The following RSU1 variants were observed in gnomAD, a reference collection of about 807,000 sequenced individuals.
RSU1 encodes Ras suppressor protein 1.
RSU1 carries 26 observed loss-of-function variants against 31.1 expected under a neutral mutation model. The ratio of observed to expected loss-of-function variants is 0.84; its 90% CI spans 0.61 to 1.16. The LOEUF is 1.16. Ranked by LOEUF, RSU1 falls within the 50% of genes most tolerant of loss-of-function variation. The pLI is 0.00. For missense variants in RSU1, 320 were observed against 339.1 expected (o/e 0.94, Z 0.44); for synonymous variants, 164 against 136.3 (o/e 1.20, Z -1.41).
chr10:16,632,398 C>T (rs1047889760), intron 8 of RSU1, among the ~76,000 whole-genome samples: 1 of 152,122 alleles, frequency 6.6e-6, no homozygotes, highest in Non-Finnish European at 1.5e-5. Context: ...TTGAAGGTAA[C>T]AGATACCTCC....
At chr10:16,780,747 G>C (rs1837632731) in intron 3 of RSU1, among the ~76,000 whole-genome samples, 1 of 152,206 alleles carries the variant, frequency 6.6e-6, no homozygotes, top group Non-Finnish European at 1.5e-5. Context: ...CTTCTGAACT[G>C]AGAATCTGGT....
At chr10:16,688,868 C>G (rs908894334) in intron 8 of RSU1, among the ~76,000 whole-genome samples, 1 of 147,426 alleles carries the variant, frequency 6.8e-6, no homozygotes, top group Non-Finnish European at 1.5e-5. Context: ...ACTAGCCAGG[C>G]GTTGTGGTGT....
intron 3 of RSU1, among the ~76,000 whole-genome samples, chr10:16,780,581 A>G (rs1837630216): frequency 6.6e-6 from 1 of 152,208 alleles, no homozygotes; most frequent in South Asian, 2.1e-4. Flanking sequence ...GCACAAGATA[A>G]GCAAAACAAG....
chr10:16,732,591 G>A (rs1836536824), intron 7 of RSU1, among the ~76,000 whole-genome samples: 1 of 152,188 alleles, frequency 6.6e-6, no homozygotes, highest in Admixed American at 6.5e-5. Flanking sequence ...AATTTCTGCT[G>A]TCTAAGTCAC....
intron 2 of RSU1, among the ~76,000 whole-genome samples, chr10:16,796,944 A>G (rs936411914): frequency 6.6e-6 from 1 of 152,248 alleles, no homozygotes; most frequent in African/African-American, 2.4e-5. Context: ...ACGAAAGCAG[A>G]GAGAACCCAA....
chr10:16,750,980 C>T (rs1249822770), intron 7 of RSU1, among the ~76,000 whole-genome samples: 1 of 151,942 alleles, frequency 6.6e-6, no homozygotes, highest in African/African-American at 2.4e-5. Context: ...ATCCTCCCAC[C>T]TCAGCCTCCC....
At chr10:16,699,826 T>C (rs556684101) in intron 7 of RSU1, among the ~76,000 whole-genome samples, 23 of 152,378 alleles carry the variant, frequency 1.5e-4, no homozygotes, top group Admixed American at 1.4e-3. Context: ...CTCTGACCGA[T>C]GCTGCTATGA....
intron 7 of RSU1, among the ~76,000 whole-genome samples, chr10:16,709,977 G>A (rs757434372): frequency 1.3e-5 from 2 of 152,182 alleles, no homozygotes; most frequent in Non-Finnish European, 2.9e-5. Context: ...AGGACAATCT[G>A]ACTTCCTCTT....
At chr10:16,782,233 CACGAT>C (rs1314258226) in intron 2 of RSU1, 149 bp from the exon 3 acceptor site, 1 of 627,636 alleles carries the variant, frequency 1.6e-6, no homozygotes, top group African/African-American at 1.8e-5. Context: ...ATTCATGTAA[CACGAT>C]CTATTCAATG....
intron 8 of RSU1, among the ~76,000 whole-genome samples, chr10:16,650,028 T>C (rs1051880640): frequency 5.9e-5 from 9 of 152,324 alleles, no homozygotes; most frequent in African/African-American, 1.9e-4. Flanking sequence ...AACACAGTTG[T>C]AGAGCGCTTT....
intron 8 of RSU1, among the ~76,000 whole-genome samples, chr10:16,613,954 A>G (rs185031216): frequency 2.0e-5 from 3 of 152,280 alleles, no homozygotes; most frequent in Non-Finnish European, 4.4e-5. Flanking sequence ...TGGGAATTGG[A>G]GGTTACAAGG....
chr10:16,603,864 T>C (rs1466850788), intron 8 of RSU1, among the ~76,000 whole-genome samples: 2 of 152,220 alleles, frequency 1.3e-5, no homozygotes, highest in Non-Finnish European at 2.9e-5. Flanking sequence ...CACAAACCTA[T>C]TCATAAATAT....
chr10:16,737,319 C>T lies in RSU1; in HGVS notation c.598+15220G>A, dbSNP rs866250590. Among the ~76,000 whole-genome samples the T allele has an allele frequency of 7.9e-5, 12 of 151,946 alleles. No homozygotes were observed. The South Asian group carries it at 1.2e-3, about 16-fold the overall frequency. ...TCAAAAAGAAATAAAGAACATGTTACATGAGAAACTGCTAAAACCCAATGA... is the reference window on the plus strand; with the variant it reads ...TCAAAAAGAAATAAAGAACATGTTATATGAGAAACTGCTAAAACCCAATGA... On this transcript the variant is annotated intron_variant, in intron 7 of 8. Coordinates refer to ENST00000345264, the MANE Select transcript of RSU1 (RefSeq NM_012425.4).
chr10:16,770,617 G>A (rs1219113059), intron 3 of RSU1, among the ~76,000 whole-genome samples: 3 of 152,254 alleles, frequency 2.0e-5, no homozygotes, highest in Non-Finnish European at 4.4e-5. Flanking sequence ...GGGCATGAAA[G>A]CCAGGGGACC....
chr10:16,662,049 G>A (rs1834899983), intron 8 of RSU1, among the ~76,000 whole-genome samples: 1 of 152,154 alleles, frequency 6.6e-6, no homozygotes, highest in South Asian at 2.1e-4. Flanking sequence ...CAAGAATTGG[G>A]CATTTTTCCC....
At position 16,593,399 on chromosome 10, in the gene RSU1, T is replaced by G; in HGVS notation, c.829A>C (p.Arg277=). ...ISRKPLAAKN[R] is the part of the protein sequence containing the mutation. Reference sequence around the variant, plus strand: ...AGCCGATGCCAATCCCTTCCTTATCTGTTCTTGGCTGCCAGGGGTTTCCGG... The same window carrying G: ...AGCCGATGCCAATCCCTTCCTTATCGGTTCTTGGCTGCCAGGGGTTTCCGG... Residue 277 remains arginine (R), a synonymous_variant, in exon 9 of 9, where the codon AGA becomes CGA. Coordinates refer to ENST00000345264, the MANE Select transcript of RSU1 (RefSeq NM_012425.4). 1 of 1,614,146 alleles carries G rather than the reference T, an allele frequency of 6.2e-7. No homozygotes were observed.
At chr10:16,714,927 G>A (rs1195157192) in intron 7 of RSU1, among the ~76,000 whole-genome samples, 1 of 152,126 alleles carries the variant, frequency 6.6e-6, no homozygotes, top group Non-Finnish European at 1.5e-5. Flanking sequence ...GAAGTTTAGG[G>A]GACTCCTATA....
intron 2 of RSU1, among the ~76,000 whole-genome samples, chr10:16,797,866 T>C (rs1254019040): frequency 9.6e-5 from 14 of 145,918 alleles, no homozygotes; most frequent in African/African-American, 1.8e-4. Context: ...CTTTTTTTTT[T>C]TTTTTTTTTT....
In RSU1 at chr10:16,590,937, A is replaced by C. The variant is rs528429989; in HGVS notation, c.*2457T>G. On this transcript the variant is annotated 3_prime_UTR_variant, in exon 9 of 9. Transcript: ENST00000345264. ...AACAATTTTTTTTTCTTGGGAACGG[A>C]ATCTTGCTCTGTCGCCCAGGCTGGA... is the stretch of plus-strand genomic sequence containing the variant. 1 of 152,030 alleles carries C rather than the reference A, an allele frequency of 6.6e-6. No individual in the cohort carries two copies. Among genetic ancestry groups the C allele is most frequent in the African/African-American group, 2.4e-5 (1 of 41,384 alleles). 9.4% of individuals were successfully genotyped at this position (152,030 alleles called of 1,614,324 possible). A position where few individuals can be genotyped will look rare whatever the true frequency, so the allele number is the denominator to read the frequency against.
Sources: allele counts gnomAD v4.1 joint callset (sites outside exome capture counted in the v4.1 genomes callset), GRCh38; gene constraint gnomAD v4.1.1; transcripts MANE v1.5; gene names NCBI Gene and HGNC (gene_info 2026-07-23, HGNC 2026-07-21).